The following OXR1 variants were observed in gnomAD, a reference collection of about 807,000 sequenced individuals.
OXR1 encodes the protein oxidation resistance 1.
In OXR1, 41 loss-of-function variants were observed where a neutral mutation model predicts 104.6. The ratio of observed to expected loss-of-function variants is 0.39; its 90% confidence interval spans 0.31 to 0.51. OXR1 has a LOEUF of 0.51. Among genes scored for constraint, OXR1 ranks in the 20% least tolerant of loss-of-function variants. The pLI, the probability that OXR1 is intolerant of heterozygous loss-of-function variation, is 0.77. For missense variants in OXR1, 955 were observed against 1,031.9 expected, an observed-to-expected ratio of 0.93 and a Z score of 1.02; for synonymous variants, 348 against 348.4, an observed-to-expected ratio of 1.00 and a Z score of 0.01.
intron 2 of OXR1, among the ~76,000 whole-genome samples, chr8:106,416,025 T>G (rs1050555649): frequency 1.3e-5 from 2 of 152,134 alleles, no homozygotes; most frequent in African/African-American, 4.8e-5. Context: ...AGTCCCTCTC[T>G]TAGAAAGCTT....
chr8:106,483,102 T>C (rs903272294), intron 2 of OXR1, among the ~76,000 whole-genome samples: 1 of 151,732 alleles, frequency 6.6e-6, no homozygotes, highest in Non-Finnish European at 1.5e-5. Flanking sequence ...AATATACCAA[T>C]AGGTATATTG....
intron 1 of OXR1, among the ~76,000 whole-genome samples, chr8:106,332,596 A>C (rs1814768113): frequency 6.6e-6 from 1 of 152,120 alleles, no homozygotes; most frequent in Admixed American, 6.5e-5. Flanking sequence ...TCTTTTAAAA[A>C]ATTTGAAATA....
chr8:106,506,975 G>A (rs887780276), intron 2 of OXR1, among the ~76,000 whole-genome samples: 10 of 152,076 alleles, frequency 6.6e-5, no homozygotes, highest in African/African-American at 2.2e-4. Context: ...TGTAGTCCCA[G>A]GTCCTTGGGA....
intron 3 of OXR1, among the ~76,000 whole-genome samples, chr8:106,585,611 A>T (rs1818572450): frequency 6.6e-6 from 1 of 152,186 alleles, no homozygotes; most frequent in Admixed American, 6.5e-5. Context: ...GTAGGGCATG[A>T]GTAAATTGTA....
chr8:106,567,235 C>T (rs1310650138), intron 3 of OXR1, among the ~76,000 whole-genome samples: 1 of 152,096 alleles, frequency 6.6e-6, no homozygotes, highest in Non-Finnish European at 1.5e-5. Flanking sequence ...TTTATACATG[C>T]TTGCTGTGTA....
Position 106,519,038 on chromosome 8 carries a change from CG to C in OXR1, c.121del (p.Ala41HisfsTer27). 1.3e-6 allele frequency: 2 copies of C among 1,551,748 alleles called. No individual in the cohort carries two copies. The highest frequency in any genetic ancestry group is 1.7e-6 in the Non-Finnish European group (2 of 1,146,794). Reference protein sequence around the residue: ...GKQTPQASKPPAPKTPIIEEE... With the variant: ...GKQTPQASKPXAPKTPIIEEE... The stretch of plus-strand genomic sequence containing the variant: ...CAAACACCACAAGCCAGTAAGCCCC[CG>C]GCACCCAAGACCCCCATCATTGAAG... On this transcript the variant is annotated frameshift_variant, in exon 3 of 17. Coordinates refer to ENST00000517566, the MANE Select transcript of OXR1 (RefSeq NM_001198533.2). LOFTEE classifies it high-confidence loss of function.
chr8:106,659,778 T>A (rs1314908445), intron 3 of OXR1, among the ~76,000 whole-genome samples: 1 of 152,228 alleles, frequency 6.6e-6, no homozygotes, highest in African/African-American at 2.4e-5. Context: ...GAAGATCCTT[T>A]GAGCCCAGGA....
chr8:106,285,467 T>C (rs1812456442), intron 1 of OXR1, among the ~76,000 whole-genome samples: 2 of 152,118 alleles, frequency 1.3e-5, no homozygotes, highest in Admixed American at 1.3e-4. Context: ...TTTTGGAGTA[T>C]TGGACAGTAA....
chr8:106,732,952 A>G (rs1242281024), intron 11 of OXR1, among the ~76,000 whole-genome samples: 2 of 152,190 alleles, frequency 1.3e-5, no homozygotes, highest in African/African-American at 2.4e-5. Flanking sequence ...GAGAGTTTGT[A>G]TAATTTCTTC....
chr8:106,695,562 C>T (rs1231338559), intron 7 of OXR1, among the ~76,000 whole-genome samples: 1 of 151,860 alleles, frequency 6.6e-6, no homozygotes, highest in Non-Finnish European at 1.5e-5. Context: ...GGACTACAGG[C>T]ACATGCCACC....
chr8:106,524,113 G>A (rs1284661909), intron 3 of OXR1, among the ~76,000 whole-genome samples: 1 of 152,036 alleles, frequency 6.6e-6, no homozygotes, highest in African/African-American at 2.4e-5. Context: ...TATTGTTTGT[G>A]TTACATAAAA....
chr8:106,346,049 A>T (rs762664555), intron 1 of OXR1, among the ~76,000 whole-genome samples: 21 of 152,182 alleles, frequency 1.4e-4, no homozygotes, highest in Non-Finnish European at 2.5e-4. Flanking sequence ...TGGAATGAAG[A>T]TCATAGAGGA....
chr8:106,564,432 A>C (rs1003102672), intron 3 of OXR1, among the ~76,000 whole-genome samples: 3 of 151,802 alleles, frequency 2.0e-5, no homozygotes, highest in African/African-American at 7.2e-5. Flanking sequence ...CCCCCGCCCC[A>C]CCACGACTAA....
Position 106,545,070 on chromosome 8 carries a change from G to T in OXR1, c.220+25931G>T, listed in dbSNP as rs117932144. Among the ~76,000 whole-genome samples, 8 of 152,212 alleles carry T rather than the reference G, an allele frequency of 5.3e-5. No individual in the cohort carries two copies. In the East Asian group the frequency reaches 1.5e-3, roughly 29 times the overall value. ...CCCGTGCACTACAGGCTGTTTAACA[G>T]TATCCCTGGCCTATACCCACTAGAT... On this transcript the variant is annotated intron_variant, in intron 3 of 16. Coordinates refer to ENST00000517566, the MANE Select transcript of OXR1 (RefSeq NM_001198533.2).
At chr8:106,441,528 T>C (rs985656113) in intron 2 of OXR1, among the ~76,000 whole-genome samples, 1 of 152,206 alleles carries the variant, frequency 6.6e-6, no homozygotes, top group African/African-American at 2.4e-5. Flanking sequence ...TTTCACGACA[T>C]TGATTTTTCC....
At chr8:106,649,757 C>T (rs546182646) in intron 3 of OXR1, among the ~76,000 whole-genome samples, 304 of 152,034 alleles carry the variant, frequency 2.0e-3, no homozygotes, top group Non-Finnish European at 3.2e-3. Context: ...AGTGCAGTGG[C>T]GCGGTCTCGG....
At chr8:106,517,417 T>C (rs980765062) in intron 2 of OXR1, among the ~76,000 whole-genome samples, 1 of 152,198 alleles carries the variant, frequency 6.6e-6, no homozygotes, top group African/African-American at 2.4e-5. Flanking sequence ...TGATAGACAT[T>C]TGAGGTTTTT....
intron 2 of OXR1, among the ~76,000 whole-genome samples, chr8:106,516,241 AC>A (rs1424461912): frequency 6.6e-6 from 1 of 152,130 alleles, no homozygotes; most frequent in Non-Finnish European, 1.5e-5. Flanking sequence ...TATGAGCCCT[AC>A]TTGGCTGTCC....
At chr8:106,566,323 C>T (rs773926556) in intron 3 of OXR1, among the ~76,000 whole-genome samples, 1 of 152,114 alleles carries the variant, frequency 6.6e-6, no homozygotes, top group Non-Finnish European at 1.5e-5. Context: ...TATGAACAGA[C>T]ACTTTTCAAA....
Sources: allele counts gnomAD v4.1 joint callset (sites outside exome capture counted in the v4.1 genomes callset), GRCh38; gene constraint gnomAD v4.1.1; transcripts MANE v1.5; gene names NCBI Gene and HGNC (gene_info 2026-07-23, HGNC 2026-07-21).